The following ECD variants were observed in gnomAD, a reference collection of about 807,000 sequenced individuals.
ECD encodes protein ecdysoneless homolog.
ECD carries 59 observed loss-of-function variants against 77.2 expected under a neutral mutation model. The ratio of observed to expected loss-of-function variants is 0.76; its 90% CI spans 0.62 to 0.95. The LOEUF (loss-of-function observed/expected upper bound fraction) is 0.95, where lower values mean the gene tolerates loss of function less well. Among genes scored for constraint, ECD ranks in the 40% least tolerant of loss-of-function variants. The pLI, the probability that ECD is intolerant of heterozygous loss-of-function variation, is 0.00. For missense variants in ECD, 704 were observed against 763.4 expected (o/e 0.92, Z 0.92); for synonymous variants, 233 against 267.4 (o/e 0.87, Z 1.26).
intron 13 of ECD, among the ~76,000 whole-genome samples, chr10:73,135,327 G>C (rs1045372660): frequency 1.3e-5 from 2 of 152,148 alleles, no homozygotes; most frequent in Non-Finnish European, 1.5e-5. Flanking sequence ...CTGGGGAAAG[G>C]ATTTGAAAGA....
chr10:73,147,169 TAGG>T (rs1390923968), intron 8 of ECD, among the ~76,000 whole-genome samples: 1 of 152,102 alleles, frequency 6.6e-6, no homozygotes, highest in Non-Finnish European at 1.5e-5. Flanking sequence ...CACTTGAGCC[TAGG>T]AGATCGAGGC....
chr10:73,151,523 T>C (rs1190036772), intron 7 of ECD, among the ~76,000 whole-genome samples: 3 of 135,346 alleles, frequency 2.2e-5, no homozygotes, highest in African/African-American at 3.4e-5. Flanking sequence ...ACTTAAAGCA[T>C]AATAATAAAA....
Position 73,134,470 on chromosome 10 carries a change from G to C in ECD, c.*113C>G. On this transcript the variant is annotated 3_prime_UTR_variant, in exon 14 of 14. Coordinates refer to ENST00000372979, the MANE Select transcript of ECD (RefSeq NM_007265.3). ...TTGGGGCTCATGGAGAAGTCAATCT[G>C]TAAAACTTGTAATGAAGAAACATTT... is the stretch of plus-strand genomic sequence containing the variant. 9.4e-7 allele frequency: 1 copy of C among 1,065,502 alleles called. No homozygotes were observed. 66.0% of individuals were successfully genotyped at this position (1,065,502 alleles called of 1,614,324 possible).
Position 73,134,516 on chromosome 10 carries a change from A to G in ECD, c.*67T>C, listed in dbSNP as rs1215772805. On this transcript the variant is annotated 3_prime_UTR_variant, in exon 14 of 14. Transcript: ENST00000372979. ...CATTTTTACTAAATGAGTAATCTAA[A>G]CTAGAAATGAACAGAATCATATTCA... 3 of 1,398,292 alleles carry G rather than the reference A, an allele frequency of 2.1e-6. No individual in the cohort carries two copies. The Admixed American group carries it at 6.5e-5, about 30-fold the overall frequency. The allele number at this position is 1,398,292 out of a possible 1,614,324, so 86.6% of individuals were successfully genotyped here.
intron 8 of ECD, among the ~76,000 whole-genome samples, chr10:73,147,390 A>C (rs1843144201): frequency 6.6e-6 from 1 of 152,214 alleles, no homozygotes; most frequent in Admixed American, 6.5e-5. Context: ...TCTACTAAAA[A>C]TACAAAAATC....
chr10:73,159,514 T>C (rs1843346080), intron 3 of ECD, among the ~76,000 whole-genome samples: 1 of 152,220 alleles, frequency 6.6e-6, no homozygotes, highest in Admixed American at 6.5e-5. Flanking sequence ...GTAGAAACCT[T>C]TGTATCTTTT....
intron 2 of ECD, among the ~76,000 whole-genome samples, chr10:73,162,801 A>T (rs1157507242): frequency 6.6e-6 from 1 of 152,212 alleles, no homozygotes; most frequent in African/African-American, 2.4e-5. Flanking sequence ...CCAGTTCCCC[A>T]CCAGACTACT....
intron 11 of ECD, 102 bp from the exon 12 acceptor site, chr10:73,138,172 T>C: frequency 2.3e-6 from 2 of 865,224 alleles, no homozygotes; most frequent in Non-Finnish European, 1.6e-6. Flanking sequence ...AAAGATAGAA[T>C]TTCTAAGGAG....
intron 9 of ECD, 93 bp from the exon 10 acceptor site, chr10:73,139,830 C>A: frequency 6.1e-6 from 5 of 815,968 alleles, no homozygotes; most frequent in African/African-American, 1.8e-5. Flanking sequence ...AAGGGATTAG[C>A]TAGTCTAATT....
chr10:73,141,511 C>CA (rs747702758), intron 9 of ECD: 33 of 142,862 alleles, frequency 2.3e-4, no homozygotes, highest in Middle Eastern at 2.6e-3. Flanking sequence ...GACTCCGTCT[C>CA]AAAAAAAAAA....
chr10:73,153,827 C>T (rs1843255265), intron 6 of ECD, among the ~76,000 whole-genome samples: 2 of 151,290 alleles, frequency 1.3e-5, no homozygotes, highest in African/African-American at 4.9e-5. Flanking sequence ...AGGCAGGTCT[C>T]TTGAAAATTT....
At chr10:73,157,206 T>C (rs542683485) in intron 3 of ECD, among the ~76,000 whole-genome samples, 1 of 151,816 alleles carries the variant, frequency 6.6e-6, no homozygotes, top group South Asian at 2.1e-4. Context: ...CCCGCCATCA[T>C]GCCCAGCTAA....
rs1035622833 is a variant in ECD at position 73,134,417 on chromosome 10, A to G, written c.*166T>C. The G allele has an allele frequency of 3.0e-5, 20 of 663,400 alleles. No individual in the cohort carries two copies. The highest frequency in any genetic ancestry group is 5.1e-5 in the Non-Finnish European group (20 of 395,084). 41.1% of individuals were successfully genotyped at this position (663,400 alleles called of 1,614,324 possible). A position where few individuals can be genotyped will look rare whatever the true frequency, so the allele number is the denominator to read the frequency against. On this transcript the variant is annotated 3_prime_UTR_variant, in exon 14 of 14. Transcript: ENST00000372979. ...CTGTGTATAACCCACAGCTGAGATCACAAAGACTTGTGCCAAGAGGGCCAC... is the reference window on the plus strand; with the variant it reads ...CTGTGTATAACCCACAGCTGAGATCGCAAAGACTTGTGCCAAGAGGGCCAC...
In ECD at chr10:73,139,630, C is replaced by A; in HGVS notation, c.1234+1G>T. 1 of 1,605,058 alleles carries A rather than the reference C, an allele frequency of 6.2e-7. No homozygotes were observed. The highest frequency in any genetic ancestry group is 1.7e-5 in the Admixed American group (1 of 58,096). ...CCACTGTATCCTGGTCCATCACTTACCATCCTCTGGGGGAAGATTAGCTGC... is the reference window on the plus strand; with the variant it reads ...CCACTGTATCCTGGTCCATCACTTAACATCCTCTGGGGGAAGATTAGCTGC... On this transcript the variant is annotated splice_donor_variant, in intron 10 of 13. Transcript: ENST00000372979. LOFTEE classifies it high-confidence loss of function.
intron 6 of ECD, among the ~76,000 whole-genome samples, 166 bp downstream of exon 6, chr10:73,154,090 T>G (rs894142655): frequency 6.6e-6 from 1 of 152,220 alleles, no homozygotes. Flanking sequence ...ATATTCAATC[T>G]ATATTAACAT....
At chr10:73,166,442 AAC>A (rs1843465120) in intron 1 of ECD, among the ~76,000 whole-genome samples, 1 of 152,182 alleles carries the variant, frequency 6.6e-6, no homozygotes, top group Non-Finnish European at 1.5e-5. Flanking sequence ...CATTCTCACC[AAC>A]AGTGTTTTAT....
chr10:73,148,653 T>C (rs1843160021), intron 7 of ECD, among the ~76,000 whole-genome samples: 2 of 152,206 alleles, frequency 1.3e-5, no homozygotes, highest in South Asian at 4.1e-4. Context: ...CCTGTTCTCT[T>C]CAAAGAGATT....
intron 3 of ECD, 65 bp downstream of exon 3, chr10:73,160,369 T>C (rs944653242): frequency 9.1e-7 from 1 of 1,098,786 alleles, no homozygotes; most frequent in Non-Finnish European, 1.3e-6. Context: ...ACTAAATAGA[T>C]AAAAATGTAG....
chr10:73,134,919 T>G (rs1842959880), intron 13 of ECD, 106 bp from the exon 14 acceptor site: 1 of 977,934 alleles, frequency 1.0e-6, no homozygotes, highest in South Asian at 1.6e-5. Context: ...GCATTCCAAA[T>G]TAAAAAGGAA....
Sources: allele counts gnomAD v4.1 joint callset (sites outside exome capture counted in the v4.1 genomes callset), GRCh38; gene constraint gnomAD v4.1.1; transcripts MANE v1.5; gene names NCBI Gene and HGNC (gene_info 2026-07-23, HGNC 2026-07-21).